GRID2: variants seen among roughly 807,000 people sequenced by gnomAD.
GRID2 encodes the protein glutamate ionotropic receptor delta type subunit 2, also known as glutamate receptor ionotropic, delta-2.
GRID2 carries 33 observed loss-of-function variants against 114.8 expected under a neutral mutation model. That is an observed-to-expected ratio of 0.29 (90% CI 0.22 to 0.38). The LOEUF (loss-of-function observed/expected upper bound fraction) is 0.38, where lower values mean the gene tolerates loss of function less well. GRID2 is among the 10% of genes least tolerant of loss of function. The pLI, the probability that GRID2 is intolerant of heterozygous loss-of-function variation, is 1.00. For synonymous variants in GRID2, 505 were observed against 449.9 expected, an observed-to-expected ratio of 1.12 and a Z score of -1.55; for missense variants, 1,184 against 1,257.7, an observed-to-expected ratio of 0.94 and a Z score of 0.89.
intron 8 of GRID2, among the ~76,000 whole-genome samples, chr4:93,253,588 A>G (rs1749226442): frequency 1.3e-5 from 2 of 152,126 alleles, no homozygotes; most frequent in Admixed American, 6.5e-5. Flanking sequence ...AAATCCAAAG[A>G]TTTACTAAGC....
chr4:93,586,856 T>TA (rs1737584446), intron 13 of GRID2, among the ~76,000 whole-genome samples: 1 of 152,182 alleles, frequency 6.6e-6, no homozygotes, highest in Non-Finnish European at 1.5e-5. Context: ...ACCAAAGTAT[T>TA]ACCTTCTCTT....
intron 9 of GRID2, among the ~76,000 whole-genome samples, chr4:93,398,517 A>G (rs9631724): frequency 0.23 from 34,869 of 151,570 alleles, 5,702 homozygotes; most frequent in African/African-American, 0.46. Context: ...ACGTCTGAAT[A>G]AGGTGAAAGT....
At chr4:93,726,388 C>G (rs941353866) in intron 14 of GRID2, among the ~76,000 whole-genome samples, 4 of 152,120 alleles carry the variant, frequency 2.6e-5, no homozygotes, top group Admixed American at 6.5e-5. Context: ...GTTACTGTAG[C>G]CTTGTAGTAT....
intron 2 of GRID2, among the ~76,000 whole-genome samples, chr4:92,790,028 C>T (rs1739503331): frequency 6.6e-6 from 1 of 151,850 alleles, no homozygotes; most frequent in Admixed American, 6.6e-5. Context: ...CAGGCATAAT[C>T]TCCAGATTTT....
Position 92,822,594 on chromosome 4 carries a change from G to A in GRID2, c.244+232308G>A, listed in dbSNP as rs759683827. ...AATCTACAGGTTGTCAATGGAGAAG[G>A]CCACACTCAACACGTCCTTGGTATG... is the stretch of plus-strand genomic sequence containing the variant. On this transcript the variant is annotated intron_variant, in intron 2 of 15. Coordinates refer to ENST00000282020, the MANE Select transcript of GRID2 (RefSeq NM_001510.4). 2.9e-5 allele frequency: 7 copies of A among 238,354 alleles called. No homozygotes were observed. In the East Asian group the frequency reaches 6.9e-4, roughly 24 times the overall value. 14.8% of individuals were successfully genotyped at this position (238,354 alleles called of 1,614,324 possible). A position where few individuals can be genotyped will look rare whatever the true frequency, so the allele number is the denominator to read the frequency against.
At chr4:92,367,523 A>C (rs1373507492) in intron 1 of GRID2, among the ~76,000 whole-genome samples, 2 of 151,972 alleles carry the variant, frequency 1.3e-5, no homozygotes, top group East Asian at 3.9e-4. Context: ...AGGGAAAGAG[A>C]ATTGCTTTAG....
chr4:93,187,938 G>T (rs1740596807), intron 4 of GRID2, among the ~76,000 whole-genome samples: 1 of 152,336 alleles, frequency 6.6e-6, no homozygotes, highest in South Asian at 2.1e-4. Context: ...GGGCCCCCAA[G>T]TTTCCAGGAA....
chr4:92,340,335 G>T (rs537837738), intron 1 of GRID2, among the ~76,000 whole-genome samples: 3 of 152,142 alleles, frequency 2.0e-5, no homozygotes, highest in African/African-American at 7.2e-5. Flanking sequence ...ACATTTTCCC[G>T]CATGAGTGTC....
intron 2 of GRID2, among the ~76,000 whole-genome samples, chr4:92,930,545 T>A (rs2149519513): frequency 6.6e-6 from 1 of 150,486 alleles, no homozygotes; most frequent in Admixed American, 6.6e-5. Flanking sequence ...TTTAGGCAAT[T>A]GGAAAGATTC....
intron 13 of GRID2, among the ~76,000 whole-genome samples, chr4:93,568,006 A>T (rs1735594251): frequency 6.6e-6 from 1 of 152,204 alleles, no homozygotes; most frequent in Non-Finnish European, 1.5e-5. Context: ...TTATTCAAGT[A>T]GCTTGGAGAA....
intron 4 of GRID2, among the ~76,000 whole-genome samples, chr4:93,144,560 AG>A: frequency 6.6e-6 from 1 of 152,256 alleles, no homozygotes; most frequent in East Asian, 1.9e-4. Flanking sequence ...GTTCCTAGTA[AG>A]GGGTGAGAAT....
chr4:93,084,949 A>T, intron 2 of GRID2, 46 bp from the exon 3 acceptor site: 1 of 1,515,182 alleles, frequency 6.6e-7, no homozygotes, highest in South Asian at 1.2e-5. Flanking sequence ...AGGGAAAACT[A>T]TGTGAAACCC....
At chr4:93,041,452 C>G (rs1725506400) in intron 2 of GRID2, among the ~76,000 whole-genome samples, 1 of 152,100 alleles carries the variant, frequency 6.6e-6, no homozygotes. Context: ...TTCAAGGAGT[C>G]TTACAATCTC....
intron 2 of GRID2, among the ~76,000 whole-genome samples, chr4:93,077,106 G>C (rs1177911684): frequency 6.6e-6 from 1 of 152,132 alleles, no homozygotes; most frequent in Admixed American, 6.6e-5. Context: ...CTTAAAGACA[G>C]TTTTGGTAAT....
intron 8 of GRID2, among the ~76,000 whole-genome samples, chr4:93,363,460 A>C (rs1266434881): frequency 1.3e-5 from 2 of 152,182 alleles, no homozygotes; most frequent in Admixed American, 6.6e-5. Context: ...CTTTCCAGAC[A>C]TCTACATCCT....
chr4:93,243,386 TA>T (rs1316359080), intron 8 of GRID2, among the ~76,000 whole-genome samples: 1 of 152,010 alleles, frequency 6.6e-6, no homozygotes, highest in Non-Finnish European at 1.5e-5. Context: ...AATTGCAATA[TA>T]GATTTACTAG....
intron 2 of GRID2, among the ~76,000 whole-genome samples, chr4:92,630,125 C>T (rs1421617387): frequency 6.6e-6 from 1 of 151,888 alleles, no homozygotes; most frequent in Non-Finnish European, 1.5e-5. Flanking sequence ...AATCTCGGGT[C>T]TAGACATCTG....
chr4:93,161,342 A>G (rs189916609), intron 4 of GRID2, among the ~76,000 whole-genome samples: 3 of 151,968 alleles, frequency 2.0e-5, no homozygotes, highest in Non-Finnish European at 2.9e-5. Flanking sequence ...CCAGCCTCTC[A>G]TCATTTCTGT....
intron 1 of GRID2, among the ~76,000 whole-genome samples, chr4:92,511,246 G>A (rs1031793891): frequency 3.3e-5 from 5 of 151,736 alleles, no homozygotes; most frequent in African/African-American, 4.8e-5. Context: ...GAGCAAGAGA[G>A]AAGTGGAGGA....
Sources: gnomAD v4.1 joint callset for allele counts (sites outside exome capture counted in the v4.1 genomes callset) on GRCh38, gnomAD v4.1.1 for gene constraint, MANE v1.5 for transcripts, NCBI Gene and HGNC (gene_info 2026-07-23, HGNC 2026-07-21) for gene names.